PLOD3: variants seen among roughly 807,000 people sequenced by gnomAD.
PLOD3 encodes procollagen-lysine,2-oxoglutarate 5-dioxygenase 3.
Under a neutral mutation model 96.9 loss-of-function variants are expected in PLOD3, and 73 were observed. That is an observed-to-expected ratio of 0.75 (90% CI 0.62 to 0.92). PLOD3 has a LOEUF of 0.92. Ranked by LOEUF, PLOD3 falls within the 40% of genes least tolerant of loss-of-function variation. PLOD3 has a pLI of 0.00. For synonymous variants in PLOD3, 454 were observed against 413.7 expected (o/e 1.10, Z -1.18); for missense variants, 1,004 against 1,004.3 (o/e 1.00, Z 0.00).
Position 101,210,616 on chromosome 7 carries a change from C to T in PLOD3, c.1416G>A (p.Leu472=). 2 of 1,614,180 alleles carry T rather than the reference C, an allele frequency of 1.2e-6. No homozygotes were observed. The highest frequency in any genetic ancestry group is 1.7e-6 in the Non-Finnish European group (2 of 1,180,000). The stretch of plus-strand genomic sequence containing the variant: ...CATCCCTCTGGGGCAGCTCCATCCG[C>T]AGGGTATCACCCCGGATCACATAGG... The part of the protein sequence containing the change: ...SQAYVIRGDT[L]RMELPQRDVF... The change falls in exon 13 of 19, where the codon CTG becomes CTA. Residue 472 remains leucine (L), a synonymous_variant. Coordinates refer to ENST00000223127, the MANE Select transcript of PLOD3 (RefSeq NM_001084.5).
In PLOD3 at chr7:101,210,583, C is replaced by A. The variant is rs138134318; in HGVS notation, c.1449G>T (p.Ser483=). The A allele has an allele frequency of 6.2e-7, 1 of 1,614,062 alleles. No homozygotes were observed. Among genetic ancestry groups the A allele is most frequent in the South Asian group, 1.1e-5 (1 of 91,086 alleles). The change falls in exon 13 of 19, where the codon TCG becomes TCT. Residue 483 remains serine (S), a synonymous_variant. Transcript: ENST00000223127. Reference sequence around the variant, plus strand: ...CCATGTCCGGGTCTGTGTCACTGCCCGAGAACACATCCCTCTGGGGCAGCT... The same window carrying A: ...CCATGTCCGGGTCTGTGTCACTGCCAGAGAACACATCCCTCTGGGGCAGCT... ...RMELPQRDVF[S]GSDTDPDMAF... is the part of the protein sequence containing the mutation.
rs1464181075 is a variant in PLOD3, at chr7:101,208,975, G to C, written c.1684-18C>G. ...GGGCATGGCTGAGGATGGGGCGAGG[G>C]AGAACAGGGCTAGCTGACGCCGCAG... is the stretch of plus-strand genomic sequence containing the variant. On this transcript the variant is annotated intron_variant, in intron 15 of 18. Transcript: ENST00000223127. 1 of 1,561,978 alleles carries C rather than the reference G, an allele frequency of 6.4e-7. No homozygotes were observed. Among genetic ancestry groups the C allele is most frequent in the East Asian group, 2.2e-5 (1 of 44,628 alleles).
intron 12 of PLOD3, 135 bp from the exon 13 acceptor site, chr7:101,210,808 C>A: frequency 4.3e-6 from 4 of 925,428 alleles, no homozygotes; most frequent in Non-Finnish European, 3.3e-6. Context: ...TTGTCAAGCA[C>A]TGCTGGTCCC....
At position 101,206,058 on chromosome 7, in the gene PLOD3, C is replaced by T; in HGVS notation, c.*223G>A. On this transcript the variant is annotated 3_prime_UTR_variant, in exon 19 of 19. Transcript: ENST00000223127. Reference sequence around the variant, plus strand: ...ATCACGCGGGGAGTCCCCAGAAGCCCTGTGCCCACGAACCCCTGTGGGCGG... The same window carrying T: ...ATCACGCGGGGAGTCCCCAGAAGCCTTGTGCCCACGAACCCCTGTGGGCGG... The T allele has an allele frequency of 1.6e-6, 1 of 623,508 alleles. No homozygotes were observed. Among genetic ancestry groups the T allele is most frequent in the Non-Finnish European group, 2.9e-6 (1 of 350,428 alleles). The allele number at this position is 623,508 out of a possible 1,614,324, so 38.6% of individuals were successfully genotyped here.
chr7:101,209,380 CTTTTCTTTTTTTTTT>C (rs1798143941), intron 15 of PLOD3, among the ~76,000 whole-genome samples: 1 of 151,312 alleles, frequency 6.6e-6, no homozygotes, highest in Non-Finnish European at 1.5e-5. Context: ...CTAATTTTTT[CTTTTCTTTTTTTTTT>C]GAGACAGGGT....
chr7:101,215,545 A>G (rs1387518485), intron 5 of PLOD3, among the ~76,000 whole-genome samples: 1 of 152,122 alleles, frequency 6.6e-6, no homozygotes, highest in Non-Finnish European at 1.5e-5. Flanking sequence ...TCATTCTGTC[A>G]CCCAGGCTGG....
Position 101,211,572 on chromosome 7 carries a change from G to A in PLOD3, c.1358+19C>T. The A allele has an allele frequency of 4.4e-6, 7 of 1,596,760 alleles. No individual in the cohort carries two copies. The highest frequency in any genetic ancestry group is 4.3e-6 in the Non-Finnish European group (5 of 1,173,040). Reference sequence around the variant, plus strand: ...CCCGGGTCGGAGGAGGCGGGGGGCTGCAGGCTGGCGGGACTCACACTCGCT... The same window carrying A: ...CCCGGGTCGGAGGAGGCGGGGGGCTACAGGCTGGCGGGACTCACACTCGCT... On this transcript the variant is annotated intron_variant, in intron 12 of 18. Transcript: ENST00000223127.
At position 101,212,330 on chromosome 7, in the gene PLOD3, G is replaced by A. The variant is rs950260241; in HGVS notation, c.1050C>T (p.Leu350=). The A allele has an allele frequency of 5.6e-6, 9 of 1,613,832 alleles. No homozygotes were observed. The part of the protein sequence containing the change: ...EPHIADSWPQ[L]QDHFSAVKLV... The stretch of plus-strand genomic sequence containing the variant: ...GCTTCACAGCTGAGAAGTGGTCCTG[G>A]AGCTGCGGCCAGGAGTCAGCGATGT... The change falls in exon 10 of 19, where the codon CTC becomes CTT. Residue 350 remains leucine (L), a synonymous_variant. Transcript: ENST00000223127.
At chr7:101,207,230 C>T (rs1424261394) in intron 17 of PLOD3, among the ~76,000 whole-genome samples, 1 of 152,120 alleles carries the variant, frequency 6.6e-6, no homozygotes, top group Non-Finnish European at 1.5e-5. Flanking sequence ...CCCACCTCAG[C>T]CTCGCAAAGT....
chr7:101,216,257 C>A lies in PLOD3; in HGVS notation c.408G>T (p.Leu136=). The A allele has an allele frequency of 6.2e-7, 1 of 1,613,614 alleles. No homozygotes were observed. The highest frequency in any genetic ancestry group is 8.5e-7 in the Non-Finnish European group (1 of 1,180,032). ...AGCAGAAGCTCTCTGCAGAGAAGAG[C>A]AGGCGGCTGCCACTCTGGACGAACT... ...LKKFVQSGSR[L]LFSAESFCWP... is the part of the protein sequence containing the mutation. Residue 136 remains leucine (L), a synonymous_variant, in exon 4 of 19, where the codon CTG becomes CTT. Coordinates refer to ENST00000223127, the MANE Select transcript of PLOD3 (RefSeq NM_001084.5).
chr7:101,206,997 C>T, intron 17 of PLOD3, 93 bp from the exon 18 acceptor site: 1 of 1,415,340 alleles, frequency 7.1e-7, no homozygotes, highest in East Asian at 2.5e-5. Flanking sequence ...GATAGTCTCG[C>T]TCTGTCACTC....
chr7:101,208,858 G>T lies in PLOD3; in HGVS notation c.1783C>A (p.His595Asn). 1 of 1,608,868 alleles carries T rather than the reference G, an allele frequency of 6.2e-7. No homozygotes were observed. Among genetic ancestry groups the T allele is most frequent in the Non-Finnish European group, 8.5e-7 (1 of 1,175,302 alleles). Residue 595 changes from histidine (H) to asparagine (N), a missense_variant, in exon 16 of 19, where the codon CAT (histidine) becomes AAT (asparagine). Physicochemically the swap from His to Asn is moderately conservative, Grantham distance 68. Around this residue, in one of 5 missense-constraint regions of PLOD3, gnomAD observed 222 missense variants for 220.4 expected, o/e 1.01. Transcript: ENST00000223127. ...CTCCTCGCCCAGGCCCTTACCTCAT[G>T]CCGGCCGCCTGACCACTGGCCGTAG... ...EHYGQWSGGRHEDSRLAGGYE... is the reference protein window; with the variant it reads ...EHYGQWSGGRNEDSRLAGGYE...
At position 101,210,627 on chromosome 7, in the gene PLOD3, C is replaced by T; in HGVS notation, c.1405G>A (p.Gly469Ser). Residue 469 changes from glycine to serine, a missense_variant, in exon 13 of 19, where the codon GGT (glycine) becomes AGT (serine). Around this residue, in one of 5 missense-constraint regions of PLOD3, gnomAD observed 690 missense variants for 650.2 expected, o/e 1.06. Coordinates refer to ENST00000223127, the MANE Select transcript of PLOD3 (RefSeq NM_001084.5). ...PYISQAYVIRGDTLRMELPQR... is the reference protein window; with the variant it reads ...PYISQAYVIRSDTLRMELPQR... ...GGCAGCTCCATCCGCAGGGTATCAC[C>T]CCGGATCACATAGGCCTGGGAGATG... The T allele has an allele frequency of 6.2e-7, 1 of 1,614,176 alleles. No individual in the cohort carries two copies. Among genetic ancestry groups the T allele is most frequent in the Non-Finnish European group, 8.5e-7 (1 of 1,180,014 alleles).
At position 101,206,396 on chromosome 7, in the gene PLOD3, G is replaced by A; in HGVS notation, c.2102C>T (p.Ser701Phe). ...CRFLRYDCVI[S>F]SPRKGWALLH... ...GAGTGCCCAGCCCTTCCTCGGGGAGGAGATCACACAGTCGTAGCGCAGGAA... is the reference window on the plus strand; with the variant it reads ...GAGTGCCCAGCCCTTCCTCGGGGAGAAGATCACACAGTCGTAGCGCAGGAA... Residue 701 changes from serine to phenylalanine, a missense_variant, in exon 19 of 19, where the codon TCC becomes TTC. Coordinates refer to ENST00000223127, the MANE Select transcript of PLOD3 (RefSeq NM_001084.5). The A allele has an allele frequency of 6.2e-7, 1 of 1,613,590 alleles. No individual in the cohort carries two copies. Among genetic ancestry groups the A allele is most frequent in the Non-Finnish European group, 8.5e-7 (1 of 1,179,786 alleles).
In PLOD3 at chr7:101,212,516, C is replaced by A; in HGVS notation, c.1005+14G>T. 1.2e-6 allele frequency: 2 copies of A among 1,613,086 alleles called. No homozygotes were observed. The highest frequency in any genetic ancestry group is 8.5e-7 in the Non-Finnish European group (1 of 1,179,466). On this transcript the variant is annotated intron_variant, in intron 9 of 18. Coordinates refer to ENST00000223127, the MANE Select transcript of PLOD3 (RefSeq NM_001084.5). ...AAGGGTCCCTCAGGAGAGGCTCCAA[C>A]AGGGGAGTCTCACGTTGTTGTGCAG...
In PLOD3 at chr7:101,210,313, C is replaced by A; in HGVS notation, c.1614+18G>T. 6.3e-7 allele frequency: 1 copy of A among 1,597,604 alleles called. No homozygotes were observed. The highest frequency in any genetic ancestry group is 8.6e-7 in the Non-Finnish European group (1 of 1,165,664). On this transcript the variant is annotated intron_variant, in intron 14 of 18. Transcript: ENST00000223127. ...AGGCGGGGAACCTGTGTGCTCTGGG[C>A]GTGGGGTCCCCACTCACGACGGGGT...
intron 10 of PLOD3, 65 bp downstream of exon 10, chr7:101,212,188 A>T (rs899149584): frequency 6.3e-7 from 1 of 1,589,418 alleles, no homozygotes; most frequent in Non-Finnish European, 8.6e-7. Context: ...GCCAGGCAGC[A>T]GGTGGCAGCA....
At chr7:101,206,948 C>A in intron 17 of PLOD3, 44 bp from the exon 18 acceptor site, 1 of 1,546,392 alleles carries the variant, frequency 6.5e-7, no homozygotes, top group South Asian at 1.2e-5. Context: ...GCTGCGGGCG[C>A]AGGGGGTCTT....
chr7:101,217,421 G>GA lies in PLOD3; in HGVS notation c.-148dup, dbSNP rs376579097. The stretch of plus-strand genomic sequence containing the variant: ...AGCAGCTTGGCTGGGGCTACGCCCT[G>GA]AAAAAAAGGCGTATCCGGAGGCTAC... On this transcript the variant is annotated 5_prime_UTR_variant, in exon 1 of 19. It removes the in-frame stop codon of an upstream open reading frame in the 5' UTR. Coordinates refer to ENST00000223127, the MANE Select transcript of PLOD3 (RefSeq NM_001084.5). The GA allele has an allele frequency of 1.5e-3, 1,115 of 719,592 alleles. 16 individuals carry two copies. The African/African-American group carries it at 0.019, about 12-fold the overall frequency. 44.6% of individuals were successfully genotyped at this position (719,592 alleles called of 1,614,324 possible).
Sources: gnomAD v4.1 joint callset for allele counts (sites outside exome capture counted in the v4.1 genomes callset) on GRCh38, gnomAD v4.1.1 for gene constraint, gnomAD v4.1.1 regional missense constraint, MANE v1.5 for transcripts, NCBI Gene and HGNC (gene_info 2026-07-23, HGNC 2026-07-21) for gene names.